TEX15: variants seen among roughly 807,000 people sequenced by gnomAD.
TEX15 encodes the protein testis-expressed protein 15.
A neutral mutation model predicts 237.3 loss-of-function variants in TEX15; 171 were observed. That is an observed-to-expected ratio of 0.72 (90% confidence interval 0.64 to 0.82). The LOEUF (loss-of-function observed/expected upper bound fraction) is 0.82. Among genes scored for constraint, TEX15 ranks in the 40% least tolerant of loss-of-function variants. TEX15 has a pLI of 0.00. For missense variants in TEX15, 3,750 were observed against 3,646.5 expected (o/e 1.03, Z -0.73); for synonymous variants, 1,338 against 1,269.8 (o/e 1.05, Z -1.14).
chr8:30,885,111 A>G lies in TEX15; in HGVS notation c.136+2056T>C, dbSNP rs113363886. 6.6e-5 allele frequency among the ~76,000 whole-genome samples: 10 copies of G among 151,896 alleles called. 1 individual carries two copies. The highest frequency in any genetic ancestry group is 2.4e-4 in the African/African-American group (10 of 41,412). On this transcript the variant is annotated intron_variant, in intron 3 of 10. Transcript: ENST00000643185. ...AGAAGTGTGCTGTTTAATCTCAAAG[A>G]ATTTGGGTATTTTCCAGCTATCTTT... is the stretch of plus-strand genomic sequence containing the variant.
intron 2 of TEX15, among the ~76,000 whole-genome samples, chr8:30,893,524 T>C (rs1808836782): frequency 1.3e-5 from 2 of 152,240 alleles, no homozygotes; most frequent in South Asian, 4.1e-4. Flanking sequence ...ATGACAGGTA[T>C]CTTGATCTTG....
chr8:30,843,539 T>C lies in TEX15; in HGVS notation c.6628A>G (p.Ile2210Val), dbSNP rs756381928. The change falls in exon 8 of 11, where the codon ATC (isoleucine) becomes GTC (valine). Residue 2210 changes from isoleucine (I) to valine (V), a missense_variant. Transcript: ENST00000643185. ...AACTTTAAAGTACTTTTTCTTAAGA[T>C]TTCCAGGTCTTCTAAACTATCTCCA... ...NFGDSLEDLE[I>V]LRKSTLKLIN... 4 of 1,613,068 alleles carry C rather than the reference T, an allele frequency of 2.5e-6. No individual in the cohort carries two copies. The highest frequency in any genetic ancestry group is 3.4e-6 in the Non-Finnish European group (4 of 1,179,676).
chr8:30,846,655 G>C lies in TEX15; in HGVS notation c.3512C>G (p.Thr1171Arg), dbSNP rs762919668. 6.2e-7 allele frequency: 1 copy of C among 1,613,884 alleles called. No homozygotes were observed. Among genetic ancestry groups the C allele is most frequent in the Non-Finnish European group, 8.5e-7 (1 of 1,179,820 alleles). Residue 1171 changes from threonine to arginine, a missense_variant, in exon 8 of 11, where the codon ACA (threonine) becomes AGA (arginine). Thr to Arg is a moderately conservative substitution (Grantham distance 71). Coordinates refer to ENST00000643185, the MANE Select transcript of TEX15 (RefSeq NM_001350162.2). ...ATCTTTCAATGCAAGGGAGTCAGCT[G>C]TCGGGCTGAATCCTGGCCTAAATAT... ...TNIFRPGFSP[T>R]ADSLALKDSF...
intron 3 of TEX15, among the ~76,000 whole-genome samples, chr8:30,883,273 C>T (rs185420972): frequency 1.3e-5 from 2 of 152,254 alleles, no homozygotes; most frequent in Admixed American, 1.3e-4. Flanking sequence ...GTGTAGGCAG[C>T]TCTTTAAATT....
intron 6 of TEX15, 75 bp from the exon 7 acceptor site, chr8:30,858,905 C>A (rs1807974533): frequency 1.9e-6 from 2 of 1,030,628 alleles, no homozygotes; most frequent in South Asian, 3.8e-5. Flanking sequence ...TTTAAAAAAT[C>A]AATATAATTG....
rs773755205 is a variant in TEX15 at position 30,837,972 on chromosome 8, A to G, written c.8312T>C (p.Val2771Ala). The G allele has an allele frequency of 2.0e-5, 32 of 1,613,846 alleles. No individual in the cohort carries two copies. The African/African-American group carries it at 3.6e-4, about 18-fold the overall frequency. ...GCCAGGTAGTGATCTTTGCATTTCA[A>G]CCTTTTTTGGCGTTAAATGATTTCT... ...LKRNHLTPKK[V>A]EMQRSLPGSL... Residue 2771 changes from valine (V) to alanine (A), a missense_variant, in exon 10 of 11, where the codon GTT (valine) becomes GCT (alanine). Coordinates refer to ENST00000643185, the MANE Select transcript of TEX15 (RefSeq NM_001350162.2).
intron 3 of TEX15, among the ~76,000 whole-genome samples, chr8:30,884,963 T>C (rs923106092): frequency 2.6e-5 from 4 of 152,326 alleles, no homozygotes; most frequent in Non-Finnish European, 5.9e-5. Context: ...ATGCATTCAA[T>C]GCTATAAATT....
At chr8:30,911,488 C>T in intron 1 of TEX15, among the ~76,000 whole-genome samples, 1 of 152,144 alleles carries the variant, frequency 6.6e-6, no homozygotes, top group East Asian at 1.9e-4. Context: ...TCCACCAACA[C>T]ACATAGTCGT....
chr8:30,895,558 CT>C (rs35248591), intron 2 of TEX15, among the ~76,000 whole-genome samples: 758 of 134,058 alleles, frequency 5.7e-3, no homozygotes, highest in Non-Finnish European at 5.3e-3. Context: ...AGTATTAGAT[CT>C]TTTTTTTTTT....
chr8:30,853,274 T>C (rs909995333), intron 7 of TEX15, among the ~76,000 whole-genome samples: 4 of 152,010 alleles, frequency 2.6e-5, no homozygotes, highest in Non-Finnish European at 5.9e-5. Flanking sequence ...GAACAACCTA[T>C]AAAACAAGTA....
Position 30,867,510 on chromosome 8 carries a change from A to G in TEX15, c.303-8T>C. On this transcript the variant is annotated splice_region_variant and splice_polypyrimidine_tract_variant and intron_variant, in intron 4 of 10. Transcript: ENST00000643185. ...CTTTCACGCATCTCTGACCTAAAGTAAAACAAACAATGTATACAGTTAAAG... is the reference window on the plus strand; with the variant it reads ...CTTTCACGCATCTCTGACCTAAAGTGAAACAAACAATGTATACAGTTAAAG... 6.8e-7 allele frequency: 1 copy of G among 1,479,056 alleles called. No individual in the cohort carries two copies. The highest frequency in any genetic ancestry group is 9.1e-7 in the Non-Finnish European group (1 of 1,095,774). The allele number at this position is 1,479,056 out of a possible 1,614,324, so 91.6% of individuals were successfully genotyped here.
At position 30,843,423 on chromosome 8, in the gene TEX15, CT is replaced by C; in HGVS notation, c.6743del (p.Lys2248ArgfsTer56). On this transcript the variant is annotated frameshift_variant, in exon 8 of 11. Coordinates refer to ENST00000643185, the MANE Select transcript of TEX15 (RefSeq NM_001350162.2). LOFTEE classifies it high-confidence loss of function. The stretch of plus-strand genomic sequence containing the variant: ...CCTCGTTGTTCTTAATAAAATTAAC[CT>C]TTGAGGAGATCATTTCTATGATAAT... ...LWIIIEMISSKVNFIKNNEAV... is the reference protein window; with the variant it reads ...LWIIIEMISSXVNFIKNNEAV... 1.9e-6 allele frequency: 3 copies of C among 1,613,042 alleles called. No homozygotes were observed. Among genetic ancestry groups the C allele is most frequent in the East Asian group, 4.5e-5 (2 of 44,854 alleles).
At position 30,837,739 on chromosome 8, in the gene TEX15, G is replaced by T; in HGVS notation, c.8545C>A (p.His2849Asn). Residue 2849 changes from histidine to asparagine, a missense_variant, in exon 10 of 11, where the codon CAT becomes AAT. By Grantham distance (68) the His-to-Asn change is moderately conservative. Transcript: ENST00000643185. ...AFAICDQKSVHGTFSPDHGTL... is the reference protein window; with the variant it reads ...AFAICDQKSVNGTFSPDHGTL... Reference sequence around the variant, plus strand: ...CCATGGTCTGGTGAAAATGTGCCATGTACACTTTTTTGGTCACAAATTGCA... The same window carrying T: ...CCATGGTCTGGTGAAAATGTGCCATTTACACTTTTTTGGTCACAAATTGCA... The T allele has an allele frequency of 6.2e-7, 1 of 1,614,100 alleles. No individual in the cohort carries two copies. The highest frequency in any genetic ancestry group is 8.5e-7 in the Non-Finnish European group (1 of 1,179,972).
At chr8:30,878,096 C>CTTTTTTTTT (rs36096573) in intron 3 of TEX15, among the ~76,000 whole-genome samples, 8 of 118,214 alleles carry the variant, frequency 6.8e-5, no homozygotes, top group African/African-American at 9.9e-5. Flanking sequence ...GTAAAGATTG[C>CTTTTTTTTT]TTTTTTTTTT....
chr8:30,839,263 A>G (rs1382432782), intron 9 of TEX15, among the ~76,000 whole-genome samples: 1 of 152,214 alleles, frequency 6.6e-6, no homozygotes, highest in East Asian at 1.9e-4. Context: ...ACAAACTAAA[A>G]GCCAAATATT....
rs1807734186 is a variant in TEX15, at chr8:30,849,843, G to A, written c.851-527C>T. Among the ~76,000 whole-genome samples the A allele has an allele frequency of 2.6e-5, 4 of 152,020 alleles. No homozygotes were observed. In the South Asian group the frequency reaches 6.2e-4, roughly 24 times the overall value. ...GAACCTGGGAGGTGGAGGTTGCAGCGAGCCGAGATTGCGCCACTGCACTCC... is the reference window on the plus strand; with the variant it reads ...GAACCTGGGAGGTGGAGGTTGCAGCAAGCCGAGATTGCGCCACTGCACTCC... On this transcript the variant is annotated intron_variant, in intron 7 of 10. Coordinates refer to ENST00000643185, the MANE Select transcript of TEX15 (RefSeq NM_001350162.2).
intron 6 of TEX15, among the ~76,000 whole-genome samples, 166 bp downstream of exon 6, chr8:30,859,745 C>T (rs1808000905): frequency 6.6e-6 from 1 of 152,178 alleles, no homozygotes; most frequent in Admixed American, 6.5e-5. Flanking sequence ...CAAACTTCTT[C>T]ACTAATATTC....
chr8:30,876,913 C>T (rs1181696962), intron 3 of TEX15, among the ~76,000 whole-genome samples: 3 of 152,076 alleles, frequency 2.0e-5, no homozygotes, highest in African/African-American at 7.2e-5. Flanking sequence ...TGAGTTTTTA[C>T]AAGATCTGAT....
chr8:30,877,302 T>G (rs1329110911), intron 3 of TEX15, among the ~76,000 whole-genome samples: 1 of 152,180 alleles, frequency 6.6e-6, no homozygotes, highest in East Asian at 1.9e-4. Context: ...GATTGTGAAT[T>G]TTACCAAGTA....
Sources: allele counts gnomAD v4.1 joint callset (sites outside exome capture counted in the v4.1 genomes callset), GRCh38; gene constraint gnomAD v4.1.1; transcripts MANE v1.5; gene names NCBI Gene and HGNC (gene_info 2026-07-23, HGNC 2026-07-21).